The following BAG6 variants were observed in gnomAD, a reference collection of about 807,000 sequenced individuals.
BAG6 encodes the protein large proline-rich protein BAG6.
A neutral mutation model predicts 121.0 loss-of-function variants in BAG6; 22 were observed. The ratio of observed to expected loss-of-function variants is 0.18; its 90% CI spans 0.13 to 0.26. The LOEUF is 0.26. Among genes scored for constraint, BAG6 ranks in the 10% least tolerant of loss-of-function variants. BAG6 has a pLI of 1.00. For missense variants in BAG6, 1,233 were observed against 1,537.7 expected (o/e 0.80, Z 3.31); for synonymous variants, 583 against 584.6 (o/e 1.00, Z 0.04).
chr6:31,651,504 A>G, intron 2 of BAG6, 152 bp downstream of exon 2: 2 of 667,154 alleles, frequency 3.0e-6, no homozygotes, highest in South Asian at 1.9e-5. Context: ...GCGCCACTGC[A>G]CTCCAGCCTG....
chr6:31,642,616 AG>A, intron 15 of BAG6: 1 of 675,830 alleles, frequency 1.5e-6, no homozygotes, highest in Non-Finnish European at 2.5e-6. Flanking sequence ...GCTGTCAGAA[AG>A]CAGTGACACT....
At chr6:31,645,272 T>A in intron 9 of BAG6, 74 bp from the exon 10 acceptor site, 1 of 1,603,302 alleles carries the variant, frequency 6.2e-7, no homozygotes, top group Non-Finnish European at 8.5e-7. Context: ...ATGATAAACC[T>A]CTAAAGTATC....
chr6:31,649,022 C>T, intron 4 of BAG6, 58 bp from the exon 5 acceptor site: 2 of 1,510,630 alleles, frequency 1.3e-6, no homozygotes, highest in Non-Finnish European at 1.8e-6. Context: ...GCCTCCACAC[C>T]TCCAATTCAT....
chr6:31,639,695 G>C, intron 24 of BAG6, 49 bp from the exon 25 acceptor site: 5 of 1,567,174 alleles, frequency 3.2e-6, no homozygotes, highest in Non-Finnish European at 4.3e-6. Context: ...GTCAGATCCA[G>C]TGCCACCATC....
rs761486561 is a variant in BAG6, at chr6:31,645,216, A to G, written c.1117-18T>C. ...ACATTGATCTGAAAAAGACAGATGG[A>G]CAGGCAGATGTGAGAAAAATACAAG... is the stretch of plus-strand genomic sequence containing the variant. On this transcript the variant is annotated intron_variant, in intron 9 of 25. Transcript: ENST00000676615. The G allele has an allele frequency of 6.2e-7, 1 of 1,604,588 alleles. No individual in the cohort carries two copies. Among genetic ancestry groups the G allele is most frequent in the Non-Finnish European group, 8.5e-7 (1 of 1,175,838 alleles).
chr6:31,648,915 A>T lies in BAG6; in HGVS notation c.473T>A (p.Ile158Asn). 2 of 1,537,176 alleles carry T rather than the reference A, an allele frequency of 1.3e-6. No homozygotes were observed. The highest frequency in any genetic ancestry group is 8.7e-7 in the Non-Finnish European group (1 of 1,143,494). ...CCCTCGGAGGCCCCTCAATACCTGAATCGGGGCCTGTTCCATGTTGATGTG... is the reference window on the plus strand; with the variant it reads ...CCCTCGGAGGCCCCTCAATACCTGATTCGGGGCCTGTTCCATGTTGATGTG... Reference protein sequence around the residue: ...DVHINMEQAPIQSEPRVRLVM... With the variant: ...DVHINMEQAPNQSEPRVRLVM... Residue 158 changes from isoleucine (I) to asparagine (N), a missense_variant, in exon 5 of 26, where the codon ATT (isoleucine) becomes AAT (asparagine). Around this residue, in one of 7 missense-constraint regions of BAG6, gnomAD observed 777 missense variants for 861.4 expected, o/e 0.90. Transcript: ENST00000676615.
In BAG6 at chr6:31,647,705, C is replaced by T. The variant is rs373915764; in HGVS notation, c.674G>A (p.Arg225Gln). 14 of 1,603,302 alleles carry T rather than the reference C, an allele frequency of 8.7e-6. No individual in the cohort carries two copies. Among genetic ancestry groups the T allele is most frequent in the Non-Finnish European group, 1.1e-5 (13 of 1,176,364 alleles). Residue 225 changes from arginine (R) to glutamine (Q), a missense_variant, in exon 7 of 26, where the codon CGG (arginine) becomes CAG (glutamine). Around this residue, in one of 7 missense-constraint regions of BAG6, gnomAD observed 777 missense variants for 861.4 expected, o/e 0.90. Transcript: ENST00000676615. ...CACTTCTTCTGCCTCCATGGGCTCC[C>T]GGGGAGGTGCTTCACTTTCAACTGG... ...SEPVESEAPP[R>Q]EPMEAEEVEE...
chr6:31,646,607 T>A (rs1441471495), intron 7 of BAG6, 84 bp from the exon 8 acceptor site: 3 of 1,538,482 alleles, frequency 1.9e-6, no homozygotes, highest in African/African-American at 2.7e-5. Context: ...ATGTGCCCTC[T>A]TTCTCCCTGG....
chr6:31,646,619 C>G (rs1789610526), intron 7 of BAG6, 96 bp from the exon 8 acceptor site: 3 of 1,500,582 alleles, frequency 2.0e-6, no homozygotes, highest in Non-Finnish European at 1.8e-6. Flanking sequence ...TCTCCCTGGT[C>G]TCCCAGAGCC....
At chr6:31,650,665 C>CAAAAAAAAAAAAAAAAACAAAAAA (rs1159426518) in intron 2 of BAG6, among the ~76,000 whole-genome samples, 1 of 76,624 alleles carries the variant, frequency 1.3e-5, no homozygotes, top group African/African-American at 4.9e-5. Context: ...AACTCCATCT[C>CAAAAAAAAAAAAAAAAACAAAAAA]AAAAAAAAAA....
chr6:31,646,078 C>A (rs1347625902), intron 8 of BAG6, among the ~76,000 whole-genome samples: 1 of 152,190 alleles, frequency 6.6e-6, no homozygotes, highest in South Asian at 2.1e-4. Context: ...CCCCTCCTCC[C>A]GAGTTCTAGC....
In BAG6 at chr6:31,647,568, T is replaced by C. The variant is rs752758412; in HGVS notation, c.788+23A>G. ...ACTTCACTTAGGATTCCCCACCCAC[T>C]AAAGATTCCCTCCATCTCTCACTTG... On this transcript the variant is annotated intron_variant, in intron 7 of 25. Transcript: ENST00000676615. 2.5e-6 allele frequency: 4 copies of C among 1,608,438 alleles called. No individual in the cohort carries two copies. The Admixed American group carries it at 5.1e-5, about 20-fold the overall frequency.
chr6:31,649,041 G>A lies in BAG6; in HGVS notation c.424-77C>T, dbSNP rs552144602. 9 of 1,499,890 alleles carry A rather than the reference G, an allele frequency of 6.0e-6. No individual in the cohort carries two copies. In the South Asian group the frequency reaches 1.2e-4, roughly 20 times the overall value. The allele number at this position is 1,499,890 out of a possible 1,614,324, so 92.9% of individuals were successfully genotyped here. ...CCACACCTCCAATTCATTCCCTGGAGCCCTACCTCCTTTTCTCCTTAAAGA... is the reference window on the plus strand; with the variant it reads ...CCACACCTCCAATTCATTCCCTGGAACCCTACCTCCTTTTCTCCTTAAAGA... On this transcript the variant is annotated intron_variant, in intron 4 of 25. Coordinates refer to ENST00000676615, the MANE Select transcript of BAG6 (RefSeq NM_001387994.1).
At position 31,641,197 on chromosome 6, in the gene BAG6, C is replaced by T. The variant is rs1292255553; in HGVS notation, c.2694G>A (p.Leu898=). 6.2e-7 allele frequency: 1 copy of T among 1,614,032 alleles called. No individual in the cohort carries two copies. Among genetic ancestry groups the T allele is most frequent in the Non-Finnish European group, 8.5e-7 (1 of 1,180,026 alleles). ...DSGFGARLLE[L]CNQGLFECLA... ...GGCATTCAAACAGGCCTTGGTTACA[C>T]AACTCCAGCAACCGGGCCCCAAATC... Residue 898 remains leucine (L), a synonymous_variant, in exon 20 of 26, where the codon TTG becomes TTA. Coordinates refer to ENST00000676615, the MANE Select transcript of BAG6 (RefSeq NM_001387994.1). The surrounding 1 kb of genome is among the most constrained non-coding windows in gnomAD (Gnocchi z 5.7).
rs754798901 is a variant in BAG6, at chr6:31,644,556, G to A, written c.1416C>T (p.Pro472=). 1 of 1,612,418 alleles carries A rather than the reference G, an allele frequency of 6.2e-7. No homozygotes were observed. Among genetic ancestry groups the A allele is most frequent in the East Asian group, 2.2e-5 (1 of 44,868 alleles). Residue 472 remains proline, a synonymous_variant, in exon 11 of 26, where the codon CCC becomes CCT. Coordinates refer to ENST00000676615, the MANE Select transcript of BAG6 (RefSeq NM_001387994.1). This position sits in a 1 kb window ranked among gnomAD's most constrained non-coding sequence, Gnocchi z 4.9. The part of the protein sequence containing the change: ...PGGVPSAPTG[P]LGPPGHGQTL... ...TTTGGCCATGACCAGGGGGTCCCAG[G>A]GGGCCAGTGGGAGCACTCGGAACAC...
Position 31,648,736 on chromosome 6 carries a change from G to A in BAG6, c.493C>T (p.Arg165Trp), listed in dbSNP as rs201103778. Reference sequence around the variant, plus strand: ...ATCATGTGCTGAGCCATCACCAGCCGTACCCGGGGCTCACTCTACAATGAG... The same window carrying A: ...ATCATGTGCTGAGCCATCACCAGCCATACCCGGGGCTCACTCTACAATGAG... ...QAPIQSEPRV[R>W]LVMAQHMIRD... Residue 165 changes from arginine (R) to tryptophan (W), a missense_variant, in exon 6 of 26, where the codon CGG (arginine) becomes TGG (tryptophan). Physicochemically the swap from Arg to Trp is moderately radical, Grantham distance 101 (BLOSUM62 -3). Coordinates refer to ENST00000676615, the MANE Select transcript of BAG6 (RefSeq NM_001387994.1). 47 of 1,613,914 alleles carry A rather than the reference G, an allele frequency of 2.9e-5. No individual in the cohort carries two copies. Among genetic ancestry groups the A allele is most frequent in the African/African-American group, 6.7e-5 (5 of 74,854 alleles).
At chr6:31,646,959 G>A (rs1238650630) in intron 7 of BAG6, among the ~76,000 whole-genome samples, 1 of 151,812 alleles carries the variant, frequency 6.6e-6, no homozygotes, top group Non-Finnish European at 1.5e-5. Context: ...ATTTTTAGTA[G>A]AGACGGGGTT....
rs1797012790 is a variant in BAG6 at position 31,651,771 on chromosome 6, A to G, written c.-8T>C. ...ACTATCATTAGGCTCCATGGCCGAC[A>G]GGTCTCTAAAGAAGAACGAAGGAAG... is the stretch of plus-strand genomic sequence containing the variant. On this transcript the variant is annotated 5_prime_UTR_variant, in exon 2 of 26. Transcript: ENST00000676615. The G allele has an allele frequency of 6.2e-7, 1 of 1,612,260 alleles. No individual in the cohort carries two copies. Among genetic ancestry groups the G allele is most frequent in the East Asian group, 2.2e-5 (1 of 44,876 alleles).
chr6:31,645,753 G>T, intron 8 of BAG6, 149 bp from the exon 9 acceptor site: 1 of 928,022 alleles, frequency 1.1e-6, no homozygotes, highest in Non-Finnish European at 1.7e-6. Context: ...CCAAATCTTT[G>T]CAAATAAATT....
Sources: gnomAD v4.1 joint callset for allele counts (sites outside exome capture counted in the v4.1 genomes callset) on GRCh38, gnomAD v4.1.1 for gene constraint, gnomAD v4.1.1 regional missense constraint, Gnocchi (gnomAD v3.1) non-coding constraint, MANE v1.5 for transcripts, NCBI Gene and HGNC (gene_info 2026-07-23, HGNC 2026-07-21) for gene names.